DNAAF10: variants seen among roughly 807,000 people sequenced by gnomAD.
DNAAF10 encodes the protein WD repeat domain 92.
A neutral mutation model predicts 43.7 loss-of-function variants in DNAAF10; 28 were observed. The observed-to-expected ratio is 0.64, with a 90% CI of 0.48 to 0.88. The LOEUF (loss-of-function observed/expected upper bound fraction) is 0.88. Ranked by LOEUF, DNAAF10 falls within the 40% of genes least tolerant of loss-of-function variation. DNAAF10 has a pLI of 0.00. For synonymous variants in DNAAF10, 156 were observed against 157.3 expected (o/e 0.99, Z 0.06); for missense variants, 403 against 439.1 (o/e 0.92, Z 0.73).
chr2:68,153,710 T>C (rs1456464538), intron 1 of DNAAF10, among the ~76,000 whole-genome samples: 1 of 151,924 alleles, frequency 6.6e-6, no homozygotes, highest in Non-Finnish European at 1.5e-5. Context: ...TTAAAAATTT[T>C]TTTCCATTGC....
intron 1 of DNAAF10, 84 bp downstream of exon 1, chr2:68,157,177 C>T: frequency 1.3e-6 from 2 of 1,506,330 alleles, no homozygotes; most frequent in African/African-American, 1.4e-5. Flanking sequence ...GGACGCTGGG[C>T]GAAGGCTCTG....
intron 1 of DNAAF10, 88 bp downstream of exon 1, chr2:68,157,173 T>C: frequency 6.7e-7 from 1 of 1,501,016 alleles, no homozygotes; most frequent in South Asian, 1.3e-5. Context: ...TGGGGGACGC[T>C]GGGCGAAGGC....
intron 7 of DNAAF10, among the ~76,000 whole-genome samples, chr2:68,133,231 T>C (rs1019861264): frequency 6.6e-6 from 1 of 152,154 alleles, no homozygotes; most frequent in African/African-American, 2.4e-5. Context: ...TTTGTTTGTT[T>C]GTTTGTTTGT....
intron 5 of DNAAF10, 146 bp downstream of exon 5, chr2:68,138,596 C>T: frequency 3.1e-6 from 2 of 637,844 alleles, no homozygotes; most frequent in Non-Finnish European, 5.5e-6. Context: ...ATTAGATTCT[C>T]AAACGGATTT....
chr2:68,136,621 G>C (rs1332906491), intron 6 of DNAAF10, among the ~76,000 whole-genome samples: 2 of 152,126 alleles, frequency 1.3e-5, no homozygotes, highest in African/African-American at 4.8e-5. Flanking sequence ...TATACTTGAG[G>C]AAGTTCAAAT....
intron 7 of DNAAF10, 85 bp downstream of exon 7, chr2:68,134,617 A>G: frequency 6.4e-7 from 1 of 1,563,730 alleles, no homozygotes; most frequent in Non-Finnish European, 8.6e-7. Flanking sequence ...TCAAAGCAGG[A>G]AAAAAAAGAA....
intron 3 of DNAAF10, among the ~76,000 whole-genome samples, chr2:68,142,607 G>C (rs1432423619): frequency 1.3e-5 from 2 of 152,154 alleles, no homozygotes; most frequent in Non-Finnish European, 2.9e-5. Flanking sequence ...TGTGGCAATA[G>C]TGAAGAGGAA....
chr2:68,131,155 T>A lies in DNAAF10; in HGVS notation c.*83A>T. 1 of 1,379,592 alleles carries A rather than the reference T, an allele frequency of 7.2e-7. No homozygotes were observed. The highest frequency in any genetic ancestry group is 1.0e-6 in the Non-Finnish European group (1 of 972,360). The allele number at this position is 1,379,592 out of a possible 1,614,324, so 85.5% of individuals were successfully genotyped here. ...GGATGGTCTCGATCTCCTGACCTTC[T>A]GATCCACCCGCCTCGGCCTCCCAAA... On this transcript the variant is annotated 3_prime_UTR_variant, in exon 8 of 8. Transcript: ENST00000295121.
chr2:68,154,666 C>A (rs1230708489), intron 1 of DNAAF10, among the ~76,000 whole-genome samples: 2 of 152,186 alleles, frequency 1.3e-5, no homozygotes, highest in Non-Finnish European at 2.9e-5. Flanking sequence ...AGAAAATTAT[C>A]TTTTTAAAAT....
At chr2:68,133,519 G>A (rs777499758) in intron 7 of DNAAF10, among the ~76,000 whole-genome samples, 9 of 152,146 alleles carry the variant, frequency 5.9e-5, no homozygotes, top group Non-Finnish European at 1.2e-4. Context: ...GTGGGAGGCC[G>A]AGGCAGGTGA....
intron 7 of DNAAF10, chr2:68,134,333 G>C: frequency 3.8e-6 from 4 of 1,047,696 alleles, no homozygotes; most frequent in Non-Finnish European, 4.6e-6. Context: ...GCTCTGTTGG[G>C]GTCTATCACA....
intron 1 of DNAAF10, among the ~76,000 whole-genome samples, chr2:68,153,332 G>T (rs1251623832): frequency 7.4e-6 from 1 of 135,658 alleles, no homozygotes; most frequent in Non-Finnish European, 1.5e-5. Flanking sequence ...TGAGCTCCAA[G>T]TCAGTGATAA....
intron 3 of DNAAF10, among the ~76,000 whole-genome samples, chr2:68,143,024 C>T (rs72892406): frequency 0.041 from 6,236 of 151,878 alleles, 367 homozygotes; most frequent in African/African-American, 0.13. Flanking sequence ...GTAGCTGGGA[C>T]TATACCACCA....
chr2:68,131,404 A>G lies in DNAAF10; in HGVS notation c.908T>C (p.Ile303Thr). Residue 303 changes from isoleucine to threonine, a missense_variant, in exon 8 of 8, where the codon ATA becomes ACA. Coordinates refer to ENST00000295121, the MANE Select transcript of DNAAF10 (RefSeq NM_138458.4). ...TACAGAACCTGCGACTCCCATTTCT[A>G]TTCCCTCAGAATCTTTCTTTGACCG... The part of the protein sequence containing the change: ...IQRSKKDSEG[I>T]EMGVAGSVSL... The G allele has an allele frequency of 3.7e-6, 6 of 1,614,152 alleles. No individual in the cohort carries two copies. The highest frequency in any genetic ancestry group is 1.1e-5 in the South Asian group (1 of 91,080).
intron 6 of DNAAF10, among the ~76,000 whole-genome samples, chr2:68,135,045 G>A (rs1043517967): frequency 2.6e-5 from 4 of 151,952 alleles, no homozygotes; most frequent in African/African-American, 7.3e-5. Flanking sequence ...AAAAAGACAG[G>A]TATTAAAATC....
intron 1 of DNAAF10, among the ~76,000 whole-genome samples, chr2:68,154,542 G>A (rs769801027): frequency 1.4e-4 from 22 of 152,160 alleles, no homozygotes; most frequent in African/African-American, 2.4e-4. Context: ...CACCACACCC[G>A]GCGTGAAAAT....
At chr2:68,155,322 T>A (rs1467762227) in intron 1 of DNAAF10, among the ~76,000 whole-genome samples, 4 of 151,842 alleles carry the variant, frequency 2.6e-5, no homozygotes, top group South Asian at 4.2e-4. Context: ...TGAAACCCCA[T>A]CTCTACTAAA....
intron 1 of DNAAF10, 140 bp from the exon 2 acceptor site, chr2:68,147,707 A>C (rs1433608177): frequency 3.5e-6 from 2 of 575,232 alleles, no homozygotes; most frequent in East Asian, 7.0e-5. Flanking sequence ...TGATGAAAAT[A>C]ATCTTGCTTT....
At chr2:68,156,941 G>C (rs892643060) in intron 1 of DNAAF10, 2 of 396,218 alleles carry the variant, frequency 5.0e-6, no homozygotes, top group African/African-American at 2.0e-5. Flanking sequence ...CACATCCCTG[G>C]GAATACCAGG....
Sources: allele counts gnomAD v4.1 joint callset (sites outside exome capture counted in the v4.1 genomes callset), GRCh38; gene constraint gnomAD v4.1.1; transcripts MANE v1.5; gene names NCBI Gene and HGNC (gene_info 2026-07-23, HGNC 2026-07-21).